The following ANK3 variants were observed in gnomAD, a reference collection of about 807,000 sequenced individuals.
The protein encoded by ANK3 is ankyrin-3.
In ANK3, 57 loss-of-function variants were observed where a neutral mutation model predicts 370.9. The observed-to-expected ratio is 0.15, with a 90% CI of 0.12 to 0.19. ANK3 has a LOEUF of 0.19. ANK3 is among the 10% of genes least tolerant of loss of function. The probability of loss-of-function intolerance (pLI) is 1.00; values close to 1 mark genes in which losing one functional copy is unlikely to be tolerated. For synonymous variants in ANK3, 1,929 were observed against 1,946.3 expected, an observed-to-expected ratio of 0.99 and a Z score of 0.23; for missense variants, 4,439 against 5,302.1, an observed-to-expected ratio of 0.84 and a Z score of 5.06.
intron 23 of ANK3, among the ~76,000 whole-genome samples, chr10:60,141,620 C>G (rs1207322895): frequency 1.8e-5 from 2 of 109,782 alleles, no homozygotes; most frequent in African/African-American, 7.0e-5. Flanking sequence ...CCCGAGAATA[C>G]CTGGAGAATT....
At chr10:60,638,940 G>T (rs950563478) in intron 1 of ANK3, among the ~76,000 whole-genome samples, 17 of 152,104 alleles carry the variant, frequency 1.1e-4, no homozygotes, top group African/African-American at 4.1e-4. Flanking sequence ...CAAAGAAAGG[G>T]GGGAGAAGTA....
chr10:60,088,676 C>T (rs1204252360), intron 28 of ANK3, among the ~76,000 whole-genome samples: 3 of 152,302 alleles, frequency 2.0e-5, no homozygotes, highest in African/African-American at 7.2e-5. Flanking sequence ...CTGCCCGCCT[C>T]GACCTCCCAA....
Position 60,389,848 on chromosome 10 carries a change from C to T in ANK3, c.-310G>A, listed in dbSNP as rs539624118. 11 of 1,089,416 alleles carry T rather than the reference C, an allele frequency of 1.0e-5. No homozygotes were observed. The highest frequency in any genetic ancestry group is 1.1e-5 in the Non-Finnish European group (10 of 897,342). The allele number at this position is 1,089,416 out of a possible 1,614,324, so 67.5% of individuals were successfully genotyped here. A position where few individuals can be genotyped will look rare whatever the true frequency, so the allele number is the denominator to read the frequency against. ...AGAGGAAGCTGTATTATGGCTGTAT[C>T]CCCTGCCACCAGCTGGAAGTGTCTA... On this transcript the variant is annotated 5_prime_UTR_variant, in exon 1 of 44. Transcript: ENST00000280772.
Position 60,553,521 on chromosome 10 carries a change from T to C in ANK3, c.96+61665A>G, listed in dbSNP as rs1020951783. Among the ~76,000 whole-genome samples the C allele has an allele frequency of 4.6e-5, 7 of 152,306 alleles. No homozygotes were observed. In the South Asian group the frequency reaches 1.0e-3, roughly 23 times the overall value. On this transcript the variant is annotated intron_variant, in intron 2 of 43. Transcript: ENST00000373827. ...AAATCTGAAATTCTACCTCCATTTA[T>C]AGCACCTGAGCTGCTCAGGTGTTAT...
At chr10:60,327,311 G>A (rs1471100767) in intron 1 of ANK3, among the ~76,000 whole-genome samples, 1 of 152,160 alleles carries the variant, frequency 6.6e-6, no homozygotes, top group African/African-American at 2.4e-5. Context: ...TTTTGAGATA[G>A]GAAGGGGACA....
chr10:60,376,499 G>A (rs1199124371), intron 1 of ANK3, among the ~76,000 whole-genome samples: 1 of 152,210 alleles, frequency 6.6e-6, no homozygotes, highest in Non-Finnish European at 1.5e-5. Context: ...AACATGTTAT[G>A]TAAAATCAAA....
intron 43 of ANK3, among the ~76,000 whole-genome samples, chr10:60,031,105 AAGTC>A (rs1293491601): frequency 7.8e-6 from 1 of 128,868 alleles, no homozygotes; most frequent in Non-Finnish European, 1.7e-5. Flanking sequence ...CTTTGTAAGT[AAGTC>A]TCTCACTTCT....
At chr10:60,505,987 G>C (rs2075929370) in intron 2 of ANK3, among the ~76,000 whole-genome samples, 1 of 151,840 alleles carries the variant, frequency 6.6e-6, no homozygotes, top group Non-Finnish European at 1.5e-5. Context: ...GCAGCCACCT[G>C]GATCAAGTTT....
At chr10:60,629,126 C>T (rs2078449077) in intron 1 of ANK3, among the ~76,000 whole-genome samples, 1 of 152,038 alleles carries the variant, frequency 6.6e-6, no homozygotes, top group African/African-American at 2.4e-5. Context: ...TCTTCCTCTT[C>T]TTTATCTTCT....
At chr10:60,710,119 C>T (rs1437887894) in intron 1 of ANK3, among the ~76,000 whole-genome samples, 3 of 152,090 alleles carry the variant, frequency 2.0e-5, no homozygotes, top group African/African-American at 7.2e-5. Context: ...TATGGTATTG[C>T]ACTAACCAGA....
rs781087011 is a variant in ANK3 at position 60,105,907 on chromosome 10, T to G, written c.3326A>C (p.Glu1109Ala). 9 of 1,607,998 alleles carry G rather than the reference T, an allele frequency of 5.6e-6. No individual in the cohort carries two copies. The highest frequency in any genetic ancestry group is 7.6e-6 in the Non-Finnish European group (9 of 1,177,766). ...AACCAAGGAGCCATCATTATTACCT[T>G]CATCCATGCCATTAAGTAACTCGGT... ...DLTELLNGMD[E>A]ELDSPEELGK... Residue 1109 changes from glutamate (E) to alanine (A), a missense_variant and splice_region_variant, in exon 28 of 44, where the codon GAA becomes GCA. Glu to Ala is a moderately radical substitution (Grantham distance 107). Coordinates refer to ENST00000280772, the MANE Select transcript of ANK3 (RefSeq NM_020987.5).
chr10:60,031,209 A>G (rs2073442867), intron 43 of ANK3, among the ~76,000 whole-genome samples: 1 of 152,202 alleles, frequency 6.6e-6, no homozygotes, highest in South Asian at 2.1e-4. Flanking sequence ...TTAAAATTAG[A>G]GACAAACTTC....
At chr10:60,166,066 C>A (rs1054304239) in intron 23 of ANK3, among the ~76,000 whole-genome samples, 1 of 151,928 alleles carries the variant, frequency 6.6e-6, no homozygotes, top group African/African-American at 2.4e-5. Flanking sequence ...ATATTTTGAT[C>A]TCTTTCATTA....
intron 17 of ANK3, among the ~76,000 whole-genome samples, chr10:60,186,340 T>G (rs1223868164): frequency 1.6e-5 from 1 of 63,440 alleles, no homozygotes; most frequent in Non-Finnish European, 3.0e-5. Context: ...TACCATTATC[T>G]TTCTGTCTTT....
chr10:60,102,179 A>G (rs2091384297), intron 28 of ANK3, among the ~76,000 whole-genome samples: 1 of 149,230 alleles, frequency 6.7e-6, no homozygotes. Context: ...TGGCAACTAG[A>G]TAGCAGCTTT....
chr10:60,263,698 C>T (rs2097842059), intron 6 of ANK3, 137 bp downstream of exon 6: 58 of 1,016,478 alleles, frequency 5.7e-5, no homozygotes, highest in Non-Finnish European at 8.0e-5. Flanking sequence ...GTGGCTAGCT[C>T]AGACACACAT....
At position 60,072,299 on chromosome 10, in the gene ANK3, G is replaced by A. The variant is rs748998872; in HGVS notation, c.8582C>T (p.Thr2861Ile). ...TTTTTCTTTCTGAGACTTATTGTTA[G>A]TGGCTCCCGAACTCTCCCATGTTCT... ...VFRTWESSGA[T>I]NNKSQKEKLS... Residue 2861 changes from threonine to isoleucine, a missense_variant, in exon 37 of 44, where the codon ACT becomes ATT. Physicochemically the swap from Thr to Ile is moderately conservative, Grantham distance 89. Around this residue, in one of 13 missense-constraint regions of ANK3, gnomAD observed 1,601 missense variants for 1,731.7 expected, o/e 0.92. Coordinates refer to ENST00000280772, the MANE Select transcript of ANK3 (RefSeq NM_020987.5). 2.5e-6 allele frequency: 4 copies of A among 1,614,062 alleles called. No homozygotes were observed. Among genetic ancestry groups the A allele is most frequent in the Non-Finnish European group, 3.4e-6 (4 of 1,180,004 alleles).
chr10:60,593,543 A>T (rs542065099), intron 2 of ANK3, among the ~76,000 whole-genome samples: 41 of 151,896 alleles, frequency 2.7e-4, no homozygotes, highest in Admixed American at 7.9e-4. Context: ...AATTAGGAAA[A>T]TTTTTTTTTA....
At chr10:60,316,572 G>A (rs2047462113) in intron 1 of ANK3, among the ~76,000 whole-genome samples, 1 of 152,096 alleles carries the variant, frequency 6.6e-6, no homozygotes, top group African/African-American at 2.4e-5. Context: ...GTTAATTAAT[G>A]TATATAAAGT....
Sources: gnomAD v4.1 joint callset for allele counts (sites outside exome capture counted in the v4.1 genomes callset) on GRCh38, gnomAD v4.1.1 for gene constraint, gnomAD v4.1.1 regional missense constraint, MANE v1.5 for transcripts, NCBI Gene and HGNC (gene_info 2026-07-23, HGNC 2026-07-21) for gene names.